DROSHA: variants seen among roughly 807,000 people sequenced by gnomAD.
The protein encoded by DROSHA is ribonuclease 3.
Under a neutral mutation model 181.9 loss-of-function variants are expected in DROSHA, and 56 were observed. The ratio of observed to expected loss-of-function variants is 0.31; its 90% confidence interval spans 0.25 to 0.38. The LOEUF is 0.38. Ranked by LOEUF, DROSHA falls within the 10% of genes least tolerant of loss-of-function variation. The pLI is 1.00. For missense variants in DROSHA, 1,218 were observed against 1,743.5 expected (o/e 0.70, Z 5.37); for synonymous variants, 524 against 591.2 (o/e 0.89, Z 1.65).
In DROSHA at chr5:31,428,957, T is replaced by C. The variant is rs180754971; in HGVS notation, c.3216+518A>G. Among the ~76,000 whole-genome samples, 234 of 152,348 alleles carry C rather than the reference T, an allele frequency of 1.5e-3. 2 individuals are homozygous for C. The highest frequency in any genetic ancestry group is 5.3e-3 in the African/African-American group (222 of 41,586). On this transcript the variant is annotated intron_variant, in intron 27 of 35. Coordinates refer to ENST00000344624, the MANE Select transcript of DROSHA (RefSeq NM_001382508.1). ...TATTTTAGAATCTATCATTTTTTCT[T>C]AAACTACAATTTGCTTTTAAAAAAG...
At chr5:31,515,698 G>T in intron 6 of DROSHA, 134 bp from the exon 7 acceptor site, 1 of 1,265,582 alleles carries the variant, frequency 7.9e-7, no homozygotes, top group South Asian at 1.6e-5. Context: ...TCACAAAACA[G>T]GGTCTCAATA....
intron 17 of DROSHA, among the ~76,000 whole-genome samples, chr5:31,469,378 A>C (rs528465383): frequency 1.2e-4 from 18 of 152,206 alleles, no homozygotes; most frequent in East Asian, 3.9e-4. Context: ...CAAAACAAAA[A>C]AAAAACCCCT....
chr5:31,454,791 T>A (rs2150017994), intron 20 of DROSHA, among the ~76,000 whole-genome samples: 1 of 151,730 alleles, frequency 6.6e-6, no homozygotes, highest in East Asian at 2.0e-4. Context: ...ACACAAAAAA[T>A]TAGCCGGGTG....
intron 11 of DROSHA, among the ~76,000 whole-genome samples, chr5:31,502,694 C>T (rs1268561626): frequency 6.6e-6 from 1 of 152,200 alleles, no homozygotes; most frequent in Non-Finnish European, 1.5e-5. Context: ...CAGCTGATGA[C>T]TAAGGATGTA....
intron 31 of DROSHA, 37 bp downstream of exon 31, chr5:31,410,709 G>A (rs1190056809): frequency 6.3e-7 from 1 of 1,599,412 alleles, no homozygotes; most frequent in Non-Finnish European, 8.5e-7. Context: ...CTTAAACTCT[G>A]AACCTGGAGG....
chr5:31,432,741 C>T (rs1273479763), intron 25 of DROSHA, among the ~76,000 whole-genome samples: 8 of 152,126 alleles, frequency 5.3e-5, no homozygotes, highest in Non-Finnish European at 1.0e-4. Context: ...CTGATGAATA[C>T]GTCAGTGTAT....
rs750071831 is a variant in DROSHA at position 31,526,180 on chromosome 5, C to G, written c.753G>C (p.Glu251Asp). Residue 251 changes from glutamate (E) to aspartate (D), a missense_variant, in exon 5 of 36, where the codon GAG becomes GAC. Coordinates refer to ENST00000344624, the MANE Select transcript of DROSHA (RefSeq NM_001382508.1). ...TTCTCCTGTCGGGACTGCGGCCTCG[C>G]TCCCGCCGATCCAGGGACCGATGCC... ...GERHRSLDRR[E>D]RGRSPDRRRQ... 1 of 1,613,800 alleles carries G rather than the reference C, an allele frequency of 6.2e-7. No homozygotes were observed. Among genetic ancestry groups the G allele is most frequent in the South Asian group, 1.1e-5 (1 of 91,044 alleles).
Position 31,427,279 on chromosome 5 carries a change from C to T in DROSHA, c.3216+2196G>A, listed in dbSNP as rs575873322. Among the ~76,000 whole-genome samples the T allele has an allele frequency of 1.3e-3, 196 of 152,198 alleles. 1 individual carries two copies. Among genetic ancestry groups the T allele is most frequent in the African/African-American group, 4.6e-3 (192 of 41,524 alleles). ...ATTAACACCACTCTAGCTTTCTAAG[C>T]GGGCCATTAACATAATCAAAATGAA... On this transcript the variant is annotated intron_variant, in intron 27 of 35. Coordinates refer to ENST00000344624, the MANE Select transcript of DROSHA (RefSeq NM_001382508.1).
At chr5:31,524,788 A>G (rs986278117) in intron 5 of DROSHA, among the ~76,000 whole-genome samples, 1 of 152,176 alleles carries the variant, frequency 6.6e-6, no homozygotes, top group African/African-American at 2.4e-5. Flanking sequence ...TTTCTCTCAT[A>G]TTTATACCTA....
chr5:31,475,845 T>G (rs1750297990), intron 16 of DROSHA, among the ~76,000 whole-genome samples: 1 of 152,150 alleles, frequency 6.6e-6, no homozygotes, highest in Admixed American at 6.5e-5. Flanking sequence ...AAAACAGCAC[T>G]ACAATCTCCA....
chr5:31,494,925 C>A (rs550446577), intron 12 of DROSHA, among the ~76,000 whole-genome samples: 1 of 152,122 alleles, frequency 6.6e-6, no homozygotes, highest in African/African-American at 2.4e-5. Flanking sequence ...CTGCCCACCT[C>A]GGCCTCCCAA....
At chr5:31,502,729 C>T (rs994782427) in intron 11 of DROSHA, among the ~76,000 whole-genome samples, 3 of 152,308 alleles carry the variant, frequency 2.0e-5, no homozygotes, top group Non-Finnish European at 4.4e-5. Flanking sequence ...GGAAAAAGCC[C>T]AAGCTTGGTT....
rs67380927 is a variant in DROSHA at position 31,405,767 on chromosome 5, CTTTT to C, written c.3948-48_3948-45del. On this transcript the variant is annotated intron_variant, in intron 34 of 35. Coordinates refer to ENST00000344624, the MANE Select transcript of DROSHA (RefSeq NM_001382508.1). ...TAAGACATACTTTAATTTCAAGATT[CTTTT>C]TTTTTTTTTTTTTTTTTTTTCAAAA... The C allele has an allele frequency of 1.7e-3, 802 of 468,368 alleles. 2 individuals are homozygous for C. The highest frequency in any genetic ancestry group is 2.3e-3 in the East Asian group (46 of 20,218). 29.0% of individuals were successfully genotyped at this position (468,368 alleles called of 1,614,324 possible).
intron 11 of DROSHA, among the ~76,000 whole-genome samples, chr5:31,498,505 A>C (rs1753242404): frequency 6.6e-6 from 1 of 152,228 alleles, no homozygotes; most frequent in Non-Finnish European, 1.5e-5. Flanking sequence ...AAAATCGAAA[A>C]GGTCAGAAAT....
chr5:31,451,727 C>A, intron 20 of DROSHA, 87 bp from the exon 21 acceptor site: 1 of 1,092,326 alleles, frequency 9.2e-7, no homozygotes, highest in Admixed American at 2.2e-5. Flanking sequence ...GAACCATTTT[C>A]ACATTCCAAA....
intron 16 of DROSHA, among the ~76,000 whole-genome samples, chr5:31,478,734 C>T: frequency 6.6e-6 from 1 of 151,042 alleles, no homozygotes. Context: ...GACTCTGTCT[C>T]AAAAAAAAGA....
intron 27 of DROSHA, among the ~76,000 whole-genome samples, chr5:31,426,608 C>T (rs909472760): frequency 2.0e-5 from 3 of 151,912 alleles, no homozygotes; most frequent in East Asian, 1.9e-4. Context: ...GAATCAAAAA[C>T]GGGGCACCAG....
At chr5:31,485,505 TATCTC>T (rs1457567053) in intron 14 of DROSHA, among the ~76,000 whole-genome samples, 1 of 152,112 alleles carries the variant, frequency 6.6e-6, no homozygotes, top group Admixed American at 6.5e-5. Flanking sequence ...AAGTGAGACT[TATCTC>T]ATAATTCTTC....
chr5:31,485,559 C>T (rs74709927), intron 14 of DROSHA, among the ~76,000 whole-genome samples: 2 of 148,986 alleles, frequency 1.3e-5, no homozygotes, highest in Non-Finnish European at 1.5e-5. Flanking sequence ...AATCACCCTG[C>T]GTGAGATCAC....
Sources: allele counts gnomAD v4.1 joint callset (sites outside exome capture counted in the v4.1 genomes callset), GRCh38; gene constraint gnomAD v4.1.1; transcripts MANE v1.5; gene names NCBI Gene and HGNC (gene_info 2026-07-23, HGNC 2026-07-21).